Variants in ABCA8 observed in about 807,000 individuals in gnomAD.
ABCA8 encodes ATP binding cassette subfamily A member 8.
A neutral mutation model predicts 192.3 loss-of-function variants in ABCA8; 177 were observed. The ratio of observed to expected loss-of-function variants is 0.92; its 90% confidence interval spans 0.81 to 1.04. The LOEUF (loss-of-function observed/expected upper bound fraction) is 1.04, where lower values mean the gene tolerates loss of function less well. ABCA8 is among the 50% of genes least tolerant of loss of function. The probability of loss-of-function intolerance (pLI) is 0.00; values close to 1 mark genes in which losing one functional copy is unlikely to be tolerated. For missense variants in ABCA8, 1,915 were observed against 1,904.8 expected (o/e 1.01, Z -0.10); for synonymous variants, 642 against 690.2 (o/e 0.93, Z 1.09).
At chr17:68,887,901 TATATATCC>T (rs1298782841) in intron 24 of ABCA8, among the ~76,000 whole-genome samples, 23 of 56,172 alleles carry the variant, frequency 4.1e-4, no homozygotes, top group South Asian at 1.3e-3. Flanking sequence ...TATATATATA[TATATATCC>T]ATATATATAT....
intron 8 of ABCA8, 37 bp from the exon 9 acceptor site, chr17:68,929,271 C>T: frequency 1.4e-6 from 2 of 1,480,412 alleles, no homozygotes; most frequent in African/African-American, 1.4e-5. Flanking sequence ...TTATGTTTCT[C>T]TAACATTATT....
chr17:68,913,208 T>C (rs1045006779), intron 17 of ABCA8, among the ~76,000 whole-genome samples: 2 of 151,714 alleles, frequency 1.3e-5, no homozygotes, highest in Non-Finnish European at 2.9e-5. Context: ...CAAATGAAAA[T>C]GGAAACACAA....
intron 1 of ABCA8, 86 bp downstream of exon 1, chr17:68,955,133 G>A (rs763465927): frequency 3.3e-5 from 5 of 151,972 alleles, no homozygotes; most frequent in Admixed American, 6.6e-5. Flanking sequence ...TTTTGTGATA[G>A]GAATAAGAAA....
rs1406984376 is a variant in ABCA8 at position 68,907,771 on chromosome 17, T to C, written c.2247A>G (p.Thr749=). Residue 749 remains threonine, a synonymous_variant, in exon 18 of 40, where the codon ACA becomes ACG. Transcript: ENST00000586539. ...SAKSEGKLIY[T]LPLERTNKFP... is the part of the protein sequence containing the mutation. ...ATTTATTTGTTCTTTCTAAGGGTAA[T>C]GTATAAATAAGTTTTCCTTCGCTTT... The C allele has an allele frequency of 1.2e-6, 2 of 1,606,212 alleles. No homozygotes were observed. Among genetic ancestry groups the C allele is most frequent in the Admixed American group, 1.7e-5 (1 of 58,992 alleles).
intron 7 of ABCA8, 126 bp downstream of exon 7, chr17:68,932,162 A>G: frequency 1.5e-6 from 1 of 682,852 alleles, no homozygotes; most frequent in Non-Finnish European, 2.4e-6. Flanking sequence ...GTGAGCTGAG[A>G]TCACGCCACT....
intron 20 of ABCA8, 94 bp downstream of exon 20, chr17:68,903,207 A>G (rs2066959717): frequency 7.6e-7 from 1 of 1,320,794 alleles, no homozygotes; most frequent in Non-Finnish European, 1.1e-6. Context: ...CTAATTCATC[A>G]TATCTTTGTG....
In ABCA8 at chr17:68,922,230, T is replaced by G. The variant is rs1183829859; in HGVS notation, c.1501+12A>C. The G allele has an allele frequency of 3.2e-6, 2 of 619,890 alleles. No homozygotes were observed. Among genetic ancestry groups the G allele is most frequent in the Non-Finnish European group, 4.5e-6 (2 of 446,136 alleles). The allele number at this position is 619,890 out of a possible 1,614,324, so 38.4% of individuals were successfully genotyped here. On this transcript the variant is annotated intron_variant, in intron 12 of 39. Coordinates refer to ENST00000586539, the MANE Select transcript of ABCA8 (RefSeq NM_001288985.2). ...TTTTTTTTTTTTTTTTTTTTTTTTT[T>G]TTTTTTTTTACCTTTCAAGGCTTCT...
rs748588222 is a variant in ABCA8 at position 68,906,162 on chromosome 17, T to G, written c.2280A>C (p.Glu760Asp). The change falls in exon 19 of 40, where the codon GAA becomes GAC. Residue 760 changes from glutamate to aspartate, a missense_variant and splice_region_variant. Physicochemically the swap from Glu to Asp is conservative, Grantham distance 45. Transcript: ENST00000586539. ...GATAGCTATCAAGATCCTTGTAAAG[T>G]TCTAAAGAATACATATACAGCAGTG... is the stretch of plus-strand genomic sequence containing the variant. ...LPLERTNKFP[E>D]LYKDLDSYPD... 1.3e-6 allele frequency: 2 copies of G among 1,567,394 alleles called. No homozygotes were observed. Among genetic ancestry groups the G allele is most frequent in the East Asian group, 2.3e-5 (1 of 43,536 alleles).
At chr17:68,937,563 T>C (rs181072664) in intron 4 of ABCA8, among the ~76,000 whole-genome samples, 2 of 152,268 alleles carry the variant, frequency 1.3e-5, no homozygotes, top group East Asian at 1.9e-4. Context: ...AAAAAGGTGA[T>C]AAATTTAAAA....
chr17:68,916,377 A>G (rs1247752330), intron 17 of ABCA8, among the ~76,000 whole-genome samples: 1 of 152,160 alleles, frequency 6.6e-6, no homozygotes, highest in African/African-American at 2.4e-5. Context: ...CTAAAATAGT[A>G]TATAACTGGA....
chr17:68,936,869 G>T, intron 5 of ABCA8, 82 bp downstream of exon 5: 2 of 1,203,224 alleles, frequency 1.7e-6, no homozygotes, highest in Non-Finnish European at 1.1e-6. Flanking sequence ...GCTCTAATTT[G>T]GCATACTAAC....
chr17:68,934,472 T>C (rs1256652019), intron 5 of ABCA8, among the ~76,000 whole-genome samples: 7 of 152,316 alleles, frequency 4.6e-5, no homozygotes, highest in African/African-American at 1.2e-4. Context: ...CAGAGGTGTT[T>C]GGTAGGAGGG....
At chr17:68,940,572 A>G (rs2068196885) in intron 4 of ABCA8, among the ~76,000 whole-genome samples, 186 bp downstream of exon 4, 1 of 152,162 alleles carries the variant, frequency 6.6e-6, no homozygotes, top group Non-Finnish European at 1.5e-5. Context: ...CAAGCAATAC[A>G]TGTAGTTTTA....
chr17:68,869,641 A>AT, intron 38 of ABCA8, 59 bp downstream of exon 38: 3 of 1,162,754 alleles, frequency 2.6e-6, no homozygotes, highest in Non-Finnish European at 3.8e-6. Flanking sequence ...AAAGGTGATT[A>AT]TTTTATGATT....
chr17:68,875,937 G>A (rs779904377), intron 35 of ABCA8, among the ~76,000 whole-genome samples: 11 of 152,150 alleles, frequency 7.2e-5, no homozygotes, highest in Non-Finnish European at 1.3e-4. Flanking sequence ...TGGAAGAGGG[G>A]CGTTTACAGA....
intron 30 of ABCA8, 27 bp downstream of exon 30, chr17:68,882,572 T>TA: frequency 6.3e-7 from 1 of 1,592,436 alleles, no homozygotes; most frequent in Admixed American, 1.7e-5. Context: ...GACTGACTAA[T>TA]AAAAAAACCT....
At chr17:68,883,904 C>T in intron 28 of ABCA8, 22 bp from the exon 29 acceptor site, 5 of 1,362,682 alleles carry the variant, frequency 3.7e-6, no homozygotes, top group South Asian at 1.3e-5. Flanking sequence ...GAGAGATGCA[C>T]AATTAGAAAC....
intron 4 of ABCA8, among the ~76,000 whole-genome samples, chr17:68,938,176 T>A (rs1427977780): frequency 6.6e-6 from 1 of 152,112 alleles, no homozygotes; most frequent in Non-Finnish European, 1.5e-5. Context: ...GTAGGTAAGA[T>A]GCACAATATA....
chr17:68,873,093 A>G (rs928304592), intron 37 of ABCA8, among the ~76,000 whole-genome samples: 1 of 152,202 alleles, frequency 6.6e-6, no homozygotes, highest in Non-Finnish European at 1.5e-5. Flanking sequence ...TGTCTCACCA[A>G]TGGTCGCCCA....
Sources: gnomAD v4.1 joint callset for allele counts (sites outside exome capture counted in the v4.1 genomes callset) on GRCh38, gnomAD v4.1.1 for gene constraint, MANE v1.5 for transcripts, NCBI Gene and HGNC (gene_info 2026-07-23, HGNC 2026-07-21) for gene names.